Variants in ITPR2 observed in about 807,000 individuals in gnomAD.
ITPR2 encodes the protein inositol 1,4,5-trisphosphate-gated calcium channel ITPR2.
A neutral mutation model predicts 317.1 loss-of-function variants in ITPR2; 207 were observed. That is an observed-to-expected ratio of 0.65 (90% CI 0.58 to 0.73). The LOEUF is 0.73. ITPR2 is among the 30% of genes least tolerant of loss of function. The pLI is 0.00. For missense variants in ITPR2, 2,613 were observed against 3,284.0 expected (o/e 0.80, Z 4.99); for synonymous variants, 1,156 against 1,149.1 (o/e 1.01, Z -0.12).
At chr12:26,805,356 CCATCATTAT>C (rs1950623022) in intron 1 of ITPR2, among the ~76,000 whole-genome samples, 1 of 152,222 alleles carries the variant, frequency 6.6e-6, no homozygotes, top group Non-Finnish European at 1.5e-5. Flanking sequence ...TAAAGGTTAG[CCATCATTAT>C]CATCATTATT....
intron 37 of ITPR2, among the ~76,000 whole-genome samples, chr12:26,503,506 A>G (rs957449487): frequency 6.6e-6 from 1 of 152,230 alleles, no homozygotes; most frequent in Admixed American, 6.5e-5. Flanking sequence ...TTTAATACAT[A>G]AGAAGTTCAG....
chr12:26,709,362 CAG>C (rs1948608006), intron 9 of ITPR2, among the ~76,000 whole-genome samples: 1 of 152,094 alleles, frequency 6.6e-6, no homozygotes, highest in Non-Finnish European at 1.5e-5. Flanking sequence ...CTAAATACAC[CAG>C]ACTCTTTAAT....
At chr12:26,411,549 A>C (rs1004257944) in intron 51 of ITPR2, 137 bp from the exon 52 acceptor site, 1 of 623,742 alleles carries the variant, frequency 1.6e-6, no homozygotes, top group South Asian at 2.1e-5. Flanking sequence ...CTAGGAAGTT[A>C]GTATGGAATT....
chr12:26,380,622 A>G (rs137947675), intron 55 of ITPR2, among the ~76,000 whole-genome samples: 115 of 152,372 alleles, frequency 7.5e-4, no homozygotes, highest in African/African-American at 2.6e-3. Context: ...ATGAGATCCA[A>G]TTACAAAATT....
chr12:26,825,186 T>C (rs906507181), intron 1 of ITPR2, among the ~76,000 whole-genome samples: 2 of 152,064 alleles, frequency 1.3e-5, no homozygotes, highest in East Asian at 3.8e-4. Context: ...TGAGCCAAGA[T>C]CACGCCACTG....
intron 37 of ITPR2, among the ~76,000 whole-genome samples, chr12:26,519,744 C>T (rs887694397): frequency 6.6e-6 from 1 of 152,012 alleles, no homozygotes; most frequent in Admixed American, 6.6e-5. Context: ...GTCCTGTGAA[C>T]GCCAAAGACA....
intron 40 of ITPR2, 148 bp from the exon 41 acceptor site, chr12:26,486,508 G>C (rs1307039111): frequency 1.4e-6 from 1 of 717,146 alleles, no homozygotes; most frequent in Non-Finnish European, 2.2e-6. Context: ...AAGGATTTGA[G>C]AGAGCACTTA....
intron 2 of ITPR2, among the ~76,000 whole-genome samples, chr12:26,765,293 T>C (rs1008796083): frequency 2.0e-5 from 3 of 152,152 alleles, no homozygotes; most frequent in African/African-American, 7.2e-5. Context: ...TATCATTGAA[T>C]GTGTGTACTC....
chr12:26,582,292 A>C (rs1407126868), intron 32 of ITPR2, among the ~76,000 whole-genome samples: 1 of 146,320 alleles, frequency 6.8e-6, no homozygotes, highest in African/African-American at 2.7e-5. Context: ...ATTTTCTTTT[A>C]TTTTAATTTA....
At position 26,336,867 on chromosome 12, in the gene ITPR2, C is replaced by A. The variant is rs144127193; in HGVS notation, c.*2530G>T. On this transcript the variant is annotated 3_prime_UTR_variant, in exon 57 of 57. Coordinates refer to ENST00000381340, the MANE Select transcript of ITPR2 (RefSeq NM_002223.4). Reference sequence around the variant, plus strand: ...GTTGCATTAACAAACATACACATAACAAATATAAATTTATATCAAATGTCA... The same window carrying A: ...GTTGCATTAACAAACATACACATAAAAAATATAAATTTATATCAAATGTCA... The A allele has an allele frequency of 2.0e-5, 3 of 152,126 alleles. No homozygotes were observed. Among genetic ancestry groups the A allele is most frequent in the African/African-American group, 7.2e-5 (3 of 41,528 alleles). 9.4% of individuals were successfully genotyped at this position (152,126 alleles called of 1,614,324 possible). A position where few individuals can be genotyped will look rare whatever the true frequency, so the allele number is the denominator to read the frequency against.
At chr12:26,545,235 A>T (rs1000427696) in intron 37 of ITPR2, among the ~76,000 whole-genome samples, 1 of 152,128 alleles carries the variant, frequency 6.6e-6, no homozygotes, top group Non-Finnish European at 1.5e-5. Context: ...GCCAAAAGGG[A>T]TTCGGCAGGT....
At chr12:26,544,455 G>A (rs1944339404) in intron 37 of ITPR2, among the ~76,000 whole-genome samples, 1 of 151,792 alleles carries the variant, frequency 6.6e-6, no homozygotes, top group Non-Finnish European at 1.5e-5. Context: ...AACAAACTCG[G>A]GAAATTTAGA....
At chr12:26,606,426 A>G (rs1202176337) in intron 26 of ITPR2, among the ~76,000 whole-genome samples, 1 of 152,206 alleles carries the variant, frequency 6.6e-6, no homozygotes, top group African/African-American at 2.4e-5. Context: ...AGTATATACC[A>G]TAACATAAAA....
Position 26,832,443 on chromosome 12 carries a change from TTCC to T in ITPR2, c.92+244_92+246del, listed in dbSNP as rs1951129302. Among the ~76,000 whole-genome samples the T allele has an allele frequency of 2.0e-5, 3 of 152,254 alleles. No individual in the cohort carries two copies. The South Asian group carries it at 6.2e-4, about 31-fold the overall frequency. On this transcript the variant is annotated intron_variant, in intron 1 of 56. Transcript: ENST00000381340. ...GCCCGTCTCCGGGCTTCTGAATCAC[TTCC>T]TCCTTTCTGATGTGTCTCTGAGCTT...
intron 2 of ITPR2, among the ~76,000 whole-genome samples, chr12:26,774,550 T>C (rs1379096014): frequency 6.6e-6 from 1 of 152,200 alleles, no homozygotes; most frequent in East Asian, 1.9e-4. Context: ...GCACCAACAA[T>C]ATGCTAAACA....
intron 52 of ITPR2, among the ~76,000 whole-genome samples, chr12:26,408,209 G>C (rs2136665007): frequency 6.6e-6 from 1 of 152,274 alleles, no homozygotes; most frequent in South Asian, 2.1e-4. Flanking sequence ...TCAACAGCTA[G>C]CATGGTGACT....
intron 55 of ITPR2, chr12:26,373,646 A>G (rs1939253167): frequency 6.6e-6 from 1 of 152,326 alleles, no homozygotes; most frequent in East Asian, 1.9e-4. Flanking sequence ...CCGGAATATT[A>G]TTTCTCCAAG....
chr12:26,730,992 G>A (rs755121336), intron 2 of ITPR2, among the ~76,000 whole-genome samples: 48 of 152,254 alleles, frequency 3.2e-4, no homozygotes, highest in Non-Finnish European at 4.9e-4. Flanking sequence ...ACCTGTGGAG[G>A]TACTTTCTAC....
At chr12:26,656,019 G>A (rs758479876) in intron 19 of ITPR2, among the ~76,000 whole-genome samples, 167 bp from the exon 20 acceptor site, 7 of 152,174 alleles carry the variant, frequency 4.6e-5, no homozygotes, top group African/African-American at 9.7e-5. Context: ...GAGTTAGCAC[G>A]TGTAAAGCAG....
Sources: gnomAD v4.1 joint callset for allele counts (sites outside exome capture counted in the v4.1 genomes callset) on GRCh38, gnomAD v4.1.1 for gene constraint, MANE v1.5 for transcripts, NCBI Gene and HGNC (gene_info 2026-07-23, HGNC 2026-07-21) for gene names.